The following MAN2B1 variants were observed in gnomAD, a reference collection of about 807,000 sequenced individuals.
The protein encoded by MAN2B1 is lysosomal alpha-mannosidase.
A neutral mutation model predicts 127.5 loss-of-function variants in MAN2B1; 99 were observed. That is an observed-to-expected ratio of 0.78 (90% CI 0.66 to 0.92). The LOEUF is 0.92. Among genes scored for constraint, MAN2B1 ranks in the 40% least tolerant of loss-of-function variants. The pLI, the probability that MAN2B1 is intolerant of heterozygous loss-of-function variation, is 0.00. For missense variants in MAN2B1, 1,304 were observed against 1,384.8 expected (o/e 0.94, Z 0.93); for synonymous variants, 573 against 568.8 (o/e 1.01, Z -0.11).
intron 18 of MAN2B1, 22 bp from the exon 19 acceptor site, chr19:12,649,450 T>A: frequency 3.6e-6 from 5 of 1,375,124 alleles, no homozygotes; most frequent in Non-Finnish European, 5.1e-6. Context: ...GGTGAGCTGA[T>A]CAGGCTTGGG....
At position 12,649,385 on chromosome 19, in the gene MAN2B1, C is replaced by G. The variant is rs140843669; in HGVS notation, c.2311G>C (p.Val771Leu). 2 of 1,612,728 alleles carry G rather than the reference C, an allele frequency of 1.2e-6. No individual in the cohort carries two copies. The highest frequency in any genetic ancestry group is 2.7e-5 in the African/African-American group (2 of 74,576). The change falls in exon 19 of 24, where the codon GTG becomes CTG. Residue 771 changes from valine (V) to leucine (L), a missense_variant. Val to Leu is a conservative substitution (Grantham distance 32, BLOSUM62 1). Transcript: ENST00000456935. Reference sequence around the variant, plus strand: ...TTGACTGGATAGTAGTTTCCTGCCACGGGCTCCGTCTGGTTCAGTTTCCAG... The same window carrying G: ...TTGACTGGATAGTAGTTTCCTGCCAGGGGCTCCGTCTGGTTCAGTTTCCAG... ...PTWKLNQTEP[V>L]AGNYYPVNTR...
chr19:12,653,078 C>A (rs1423510968), intron 14 of MAN2B1, among the ~76,000 whole-genome samples: 1 of 151,014 alleles, frequency 6.6e-6, no homozygotes, highest in Non-Finnish European at 1.5e-5. Context: ...AGGTAATCCA[C>A]CCGCCTTGGC....
intron 6 of MAN2B1, among the ~76,000 whole-genome samples, chr19:12,662,188 C>T (rs572954579): frequency 4.4e-4 from 67 of 151,818 alleles, no homozygotes; most frequent in Non-Finnish European, 7.2e-4. Context: ...TTAAGGAGAA[C>T]GTGTTATGCC....
chr19:12,657,593 A>T (rs1347900563), intron 10 of MAN2B1, 38 bp from the exon 11 acceptor site: 10 of 1,505,250 alleles, frequency 6.6e-6, no homozygotes, highest in African/African-American at 1.4e-5. Context: ...GTTCTGTGGG[A>T]CTCAGCTGAG....
chr19:12,652,342 G>A (rs937288180), intron 15 of MAN2B1, 21 bp downstream of exon 15: 4 of 1,611,732 alleles, frequency 2.5e-6, no homozygotes, highest in South Asian at 2.2e-5. Context: ...CCCACCCTCA[G>A]GCCTGGTGAT....
At position 12,652,704 on chromosome 19, in the gene MAN2B1, A is replaced by G. The variant is rs142970448; in HGVS notation, c.1831-244T>C. 7.5e-3 allele frequency among the ~76,000 whole-genome samples: 1,131 copies of G among 150,478 alleles called. 8 individuals carry two copies. The highest frequency in any genetic ancestry group is 0.021 in the Middle Eastern group (6 of 290). ...CCACCACCCCGCCTGGCTAATTTTC[A>G]TATTTTTAGTAGAGACAGGGTTTCA... On this transcript the variant is annotated intron_variant, in intron 14 of 23. Transcript: ENST00000456935.
rs763200086 is a variant in MAN2B1, at chr19:12,649,345, A to G, written c.2351T>C (p.Ile784Thr). ...TGCAGGATGGGGGAGAGCTACCGTG[A>G]TGTAAATCCGGGTGTTGACTGGATA... Reference protein sequence around the residue: ...NYYPVNTRIYITDGNMQLTVL... With the variant: ...NYYPVNTRIYTTDGNMQLTVL... Residue 784 changes from isoleucine to threonine, a missense_variant, in exon 19 of 24, where the codon ATC becomes ACC. Ile to Thr is a moderately conservative substitution (Grantham distance 89). Transcript: ENST00000456935. The G allele has an allele frequency of 6.2e-7, 1 of 1,613,180 alleles. No homozygotes were observed. The highest frequency in any genetic ancestry group is 1.3e-5 in the African/African-American group (1 of 74,798).
intron 4 of MAN2B1, 33 bp from the exon 5 acceptor site, chr19:12,663,868 T>C (rs1417558584): frequency 1.2e-6 from 2 of 1,613,630 alleles, no homozygotes; most frequent in African/African-American, 1.3e-5. Context: ...CAGTGTGAAT[T>C]AGTGCCCAGC....
In MAN2B1 at chr19:12,650,176, G is replaced by A. The variant is rs2023809104; in HGVS notation, c.2093C>T (p.Ser698Phe). ...TCCTGGGTACAGGCGAACCACCTGG[G>A]AACACCAAGCTGAGAAGTTCTGGTG... ...EVHQNFSAWC[S>F]QVVRLYPGQR... Residue 698 changes from serine to phenylalanine, a missense_variant, in exon 17 of 24, where the codon TCC (serine) becomes TTC (phenylalanine). Coordinates refer to ENST00000456935, the MANE Select transcript of MAN2B1 (RefSeq NM_000528.4). The A allele has an allele frequency of 1.9e-6, 3 of 1,613,974 alleles. No individual in the cohort carries two copies. The highest frequency in any genetic ancestry group is 2.5e-6 in the Non-Finnish European group (3 of 1,179,998).
At position 12,647,346 on chromosome 19, in the gene MAN2B1, G is replaced by A. The variant is rs1287222868; in HGVS notation, c.2821-11C>T. Reference sequence around the variant, plus strand: ...GGTGGAGAACAGGTCCTGCGGGGAAGGGGATGGGCCCAGATGAGTTGGGGC... The same window carrying A: ...GGTGGAGAACAGGTCCTGCGGGGAAAGGGATGGGCCCAGATGAGTTGGGGC... On this transcript the variant is annotated splice_polypyrimidine_tract_variant and intron_variant, in intron 22 of 23. Coordinates refer to ENST00000456935, the MANE Select transcript of MAN2B1 (RefSeq NM_000528.4). This position sits in a 1 kb window ranked among gnomAD's most constrained non-coding sequence, Gnocchi z 4.9. 1 of 1,613,442 alleles carries A rather than the reference G, an allele frequency of 6.2e-7. No individual in the cohort carries two copies. Among genetic ancestry groups the A allele is most frequent in the Admixed American group, 1.7e-5 (1 of 60,022 alleles).
At chr19:12,658,846 G>T in intron 7 of MAN2B1, 1 of 360,194 alleles carries the variant, frequency 2.8e-6, no homozygotes, top group Non-Finnish European at 5.3e-6. Context: ...CTGTCAGATT[G>T]TTACCAAAAA....
At chr19:12,658,180 G>A (rs555311511) in intron 9 of MAN2B1, 39 bp from the exon 10 acceptor site, 10 of 1,613,626 alleles carry the variant, frequency 6.2e-6, no homozygotes, top group East Asian at 4.5e-5. Context: ...CCAGCCTGTC[G>A]GGCCTCGGGG....
In MAN2B1 at chr19:12,646,610, C is replaced by T; in HGVS notation, c.*10G>A. 3 of 1,600,056 alleles carry T rather than the reference C, an allele frequency of 1.9e-6. 1 individual carries two copies. Among genetic ancestry groups the T allele is most frequent in the South Asian group, 2.2e-5 (2 of 90,800 alleles). Reference sequence around the variant, plus strand: ...GGAGGCTTGGGCTTGGAGGGCCCATCCCAGCAGACCTAACCATCCACCTCC... The same window carrying T: ...GGAGGCTTGGGCTTGGAGGGCCCATTCCAGCAGACCTAACCATCCACCTCC... On this transcript the variant is annotated 3_prime_UTR_variant, in exon 24 of 24. Coordinates refer to ENST00000456935, the MANE Select transcript of MAN2B1 (RefSeq NM_000528.4).
At chr19:12,665,168 G>A (rs571906205) in intron 3 of MAN2B1, 183 bp from the exon 4 acceptor site, 2 of 1,035,680 alleles carry the variant, frequency 1.9e-6, no homozygotes, top group South Asian at 2.6e-5. Flanking sequence ...AGGCTTCCCA[G>A]AGGATGCACA....
At chr19:12,659,819 C>CAATA (rs983152701) in intron 7 of MAN2B1, among the ~76,000 whole-genome samples, 11 of 149,286 alleles carry the variant, frequency 7.4e-5, no homozygotes, top group African/African-American at 1.5e-4. Flanking sequence ...ACTCTTGTCT[C>CAATA]AATAAATAAA....
At chr19:12,650,973 CTTTTTTTTT>C (rs60721799) in intron 16 of MAN2B1, among the ~76,000 whole-genome samples, 1 of 130,296 alleles carries the variant, frequency 7.7e-6, no homozygotes, top group Non-Finnish European at 1.6e-5. Flanking sequence ...CACCCGGCCT[CTTTTTTTTT>C]TTTTTTTTTT....
In MAN2B1 at chr19:12,658,250, C is replaced by T. The variant is rs370760999; in HGVS notation, c.1204G>A (p.Glu402Lys). 23 of 1,614,074 alleles carry T rather than the reference C, an allele frequency of 1.4e-5. No individual in the cohort carries two copies. Among genetic ancestry groups the T allele is most frequent in the Non-Finnish European group, 1.9e-5 (23 of 1,180,024 alleles). Reference sequence around the variant, plus strand: ...TGCAGGAAGTTGTAGCTGAGGCGCTCGTAGCGTTTGAGGGCCGGCCGACTG... The same window carrying T: ...TGCAGGAAGTTGTAGCTGAGGCGCTTGTAGCGTTTGAGGGCCGGCCGACTG... ...FSSRPALKRYERLSYNFLQVC... is the reference protein window; with the variant it reads ...FSSRPALKRYKRLSYNFLQVC... The change falls in exon 9 of 24, where the codon GAG (glutamate) becomes AAG (lysine). Residue 402 changes from glutamate to lysine, a missense_variant. Coordinates refer to ENST00000456935, the MANE Select transcript of MAN2B1 (RefSeq NM_000528.4).
Position 12,649,076 on chromosome 19 carries a change from G to A in MAN2B1, c.2436+60C>T, listed in dbSNP as rs1279625530. On this transcript the variant is annotated intron_variant, in intron 20 of 23. Transcript: ENST00000456935. ...GAACTGGGCCAGAAACAGCCTTCAA[G>A]GTCCAGCAGGGGTCCAGGTTGGGAG... 3 of 1,433,002 alleles carry A rather than the reference G, an allele frequency of 2.1e-6. No homozygotes were observed. The African/African-American group carries it at 4.2e-5, about 20-fold the overall frequency. The allele number at this position is 1,433,002 out of a possible 1,614,324, so 88.8% of individuals were successfully genotyped here. A position where few individuals can be genotyped will look rare whatever the true frequency, so the allele number is the denominator to read the frequency against.
chr19:12,652,915 G>A (rs1216328057), intron 14 of MAN2B1, among the ~76,000 whole-genome samples: 1 of 149,700 alleles, frequency 6.7e-6, no homozygotes. Flanking sequence ...GCTCACTACA[G>A]CCTCTGCCCC....
Sources: gnomAD v4.1 joint callset for allele counts (sites outside exome capture counted in the v4.1 genomes callset) on GRCh38, gnomAD v4.1.1 for gene constraint, Gnocchi (gnomAD v3.1) non-coding constraint, MANE v1.5 for transcripts, NCBI Gene and HGNC (gene_info 2026-07-23, HGNC 2026-07-21) for gene names.